The following DUSP3 variants were observed in gnomAD, a reference collection of about 807,000 sequenced individuals.
The protein encoded by DUSP3 is dual specificity phosphatase 3.
Under a neutral mutation model 15.5 loss-of-function variants are expected in DUSP3, and 7 were observed. The ratio of observed to expected loss-of-function variants is 0.45; its 90% CI spans 0.26 to 0.85. DUSP3 has a LOEUF of 0.85. Among genes scored for constraint, DUSP3 ranks in the 40% least tolerant of loss-of-function variants. The probability of loss-of-function intolerance (pLI) is 0.18; values close to 1 mark genes in which losing one functional copy is unlikely to be tolerated. For missense variants in DUSP3, 209 were observed against 251.7 expected (o/e 0.83, Z 1.15); for synonymous variants, 86 against 104.2 (o/e 0.83, Z 1.07).
intron 2 of DUSP3, among the ~76,000 whole-genome samples, chr17:43,771,389 C>T (rs1263808020): frequency 1.3e-5 from 2 of 152,076 alleles, no homozygotes; most frequent in Non-Finnish European, 2.9e-5. Context: ...ATATGGAGGA[C>T]CGACTGTATA....
rs1974362174 is a variant in DUSP3 at position 43,774,560 on chromosome 17, G to C, written c.352+152C>G. The C allele has an allele frequency of 5.9e-6, 5 of 847,836 alleles. No individual in the cohort carries two copies. In the Admixed American group the frequency reaches 1.3e-4, roughly 22 times the overall value. The allele number at this position is 847,836 out of a possible 1,614,324, so 52.5% of individuals were successfully genotyped here. On this transcript the variant is annotated intron_variant, in intron 2 of 2. Transcript: ENST00000226004. ...CACGGGGCCACTTGACAGCCAGCCA[G>C]GTGAGCAGAGAGAGACCTACAGCTC...
At chr17:43,772,005 C>T (rs1477249616) in intron 2 of DUSP3, among the ~76,000 whole-genome samples, 5 of 136,916 alleles carry the variant, frequency 3.7e-5, no homozygotes, top group East Asian at 2.1e-4. Flanking sequence ...AGCGAGACTC[C>T]GTCTCAAAAA....
chr17:43,777,659 T>C, intron 1 of DUSP3: 1 of 416,884 alleles, frequency 2.4e-6, no homozygotes, highest in Non-Finnish European at 4.9e-6. Flanking sequence ...CCATGAAGCT[T>C]AGGATTTTGG....
chr17:43,777,390 G>A (rs1974402652), intron 1 of DUSP3: 1 of 399,498 alleles, frequency 2.5e-6, no homozygotes, highest in Non-Finnish European at 5.1e-6. Flanking sequence ...ACTGGTGAAT[G>A]AATGATGGAA....
At chr17:43,776,709 C>T (rs1428773926) in intron 1 of DUSP3, among the ~76,000 whole-genome samples, 2 of 152,216 alleles carry the variant, frequency 1.3e-5, no homozygotes, top group African/African-American at 2.4e-5. Flanking sequence ...CTACACCAGA[C>T]GTGTACAACC....
rs1318094698 is a variant in DUSP3, at chr17:43,778,704, C to T, written c.125+96G>A. The stretch of plus-strand genomic sequence containing the variant: ...CCGGAGGGGCCATCGCGCCCGGGCT[C>T]CCCCAACCCAAGACTCGCGACACCC... On this transcript the variant is annotated intron_variant, in intron 1 of 2. Transcript: ENST00000226004. 120 of 1,362,284 alleles carry T rather than the reference C, an allele frequency of 8.8e-5. No individual in the cohort carries two copies. The South Asian group carries it at 1.8e-3, about 21-fold the overall frequency. The allele number at this position is 1,362,284 out of a possible 1,614,324, so 84.4% of individuals were successfully genotyped here.
rs1239490924 is a variant in DUSP3 at position 43,769,444 on chromosome 17, C to T, written c.*165G>A. Reference sequence around the variant, plus strand: ...CTTGGCAAGCTTCTTTATGTGCTCCCCAGGGTGGGGAAAGTGGCCCAGGAC... The same window carrying T: ...CTTGGCAAGCTTCTTTATGTGCTCCTCAGGGTGGGGAAAGTGGCCCAGGAC... On this transcript the variant is annotated 3_prime_UTR_variant, in exon 3 of 3. Transcript: ENST00000226004. 2.7e-6 allele frequency: 2 copies of T among 748,184 alleles called. No homozygotes were observed. The highest frequency in any genetic ancestry group is 1.8e-5 in the African/African-American group (1 of 55,890). 46.3% of individuals were successfully genotyped at this position (748,184 alleles called of 1,614,324 possible). A position where few individuals can be genotyped will look rare whatever the true frequency, so the allele number is the denominator to read the frequency against.
chr17:43,768,881 CCA>C lies in DUSP3; in HGVS notation c.*726_*727del, dbSNP rs1974275034. The stretch of plus-strand genomic sequence containing the variant: ...TGAGATAAGATCGAAGGGAAATATT[CCA>C]GAGCAGCAGATTCTGAACTCAAGGC... On this transcript the variant is annotated 3_prime_UTR_variant, in exon 3 of 3. Transcript: ENST00000226004. 1.3e-5 allele frequency: 2 copies of C among 152,042 alleles called. No homozygotes were observed. The highest frequency in any genetic ancestry group is 2.4e-5 in the African/African-American group (1 of 41,398). The allele number at this position is 152,042 out of a possible 1,614,324, so 9.4% of individuals were successfully genotyped here. A position where few individuals can be genotyped will look rare whatever the true frequency, so the allele number is the denominator to read the frequency against.
Position 43,774,698 on chromosome 17 carries a change from G to A in DUSP3, c.352+14C>T. ...GAGCTGCCTCCCATCTTTTCCTGGT[G>A]GGAGGTCCCTTACCATTCTTTTGAG... is the stretch of plus-strand genomic sequence containing the variant. On this transcript the variant is annotated intron_variant, in intron 2 of 2. Transcript: ENST00000226004. 3 of 1,613,960 alleles carry A rather than the reference G, an allele frequency of 1.9e-6. No homozygotes were observed. The highest frequency in any genetic ancestry group is 2.2e-5 in the South Asian group (2 of 91,066).
chr17:43,776,357 G>A (rs567889079), intron 1 of DUSP3, among the ~76,000 whole-genome samples: 4 of 152,362 alleles, frequency 2.6e-5, no homozygotes, highest in Admixed American at 2.6e-4. Context: ...ATGGGCACAG[G>A]CCCCGTGTGC....
chr17:43,778,905 A>G lies in DUSP3; in HGVS notation c.20T>C (p.Leu7Pro). MSGSFE[L>P]SVQDLNDLLS... is the part of the protein sequence containing the mutation. The stretch of plus-strand genomic sequence containing the variant: ...CAGGTCGTTGAGATCCTGCACCGAG[A>G]GCTCGAACGAGCCCGACATGGCGGC... The change falls in exon 1 of 3, where the codon CTC becomes CCC. Residue 7 changes from leucine (L) to proline (P), a missense_variant. Physicochemically the swap from Leu to Pro is moderately conservative, Grantham distance 98 (BLOSUM62 -3). Transcript: ENST00000226004. 2 of 1,477,540 alleles carry G rather than the reference A, an allele frequency of 1.4e-6. No individual in the cohort carries two copies. Among genetic ancestry groups the G allele is most frequent in the Non-Finnish European group, 1.8e-6 (2 of 1,111,716 alleles). The allele number at this position is 1,477,540 out of a possible 1,614,324, so 91.5% of individuals were successfully genotyped here.
intron 1 of DUSP3, 100 bp downstream of exon 1, chr17:43,778,700 G>T: frequency 2.2e-6 from 3 of 1,345,142 alleles, no homozygotes; most frequent in South Asian, 1.7e-5. Flanking sequence ...ATCGCGCCCG[G>T]GCTCCCCCAA....
At chr17:43,772,418 C>A (rs1177755838) in intron 2 of DUSP3, among the ~76,000 whole-genome samples, 2 of 152,132 alleles carry the variant, frequency 1.3e-5, no homozygotes, top group Non-Finnish European at 2.9e-5. Context: ...GCACACAGAG[C>A]CTACTGGGAA....
At chr17:43,778,766 G>T in intron 1 of DUSP3, 34 bp downstream of exon 1, 1 of 1,499,674 alleles carries the variant, frequency 6.7e-7, no homozygotes. Flanking sequence ...GTCCCGAGAG[G>T]GACGGCGGGG....
At position 43,769,448 on chromosome 17, in the gene DUSP3, G is replaced by T; in HGVS notation, c.*161C>A. 2.6e-6 allele frequency: 2 copies of T among 756,044 alleles called. No individual in the cohort carries two copies. The highest frequency in any genetic ancestry group is 2.0e-6 in the Non-Finnish European group (1 of 488,282). 46.8% of individuals were successfully genotyped at this position (756,044 alleles called of 1,614,324 possible). ...GCAAGCTTCTTTATGTGCTCCCCAG[G>T]GTGGGGAAAGTGGCCCAGGACTGTG... On this transcript the variant is annotated 3_prime_UTR_variant, in exon 3 of 3. Transcript: ENST00000226004.
rs921368544 is a variant in DUSP3 at position 43,768,133 on chromosome 17, T to G, written c.*1476A>C. On this transcript the variant is annotated 3_prime_UTR_variant, in exon 3 of 3. Coordinates refer to ENST00000226004, the MANE Select transcript of DUSP3 (RefSeq NM_004090.4). ...ACACCCACCAGAACAATGCCCTATATATATTTGGTGCTCAAAAAGTGTTTA... is the reference window on the plus strand; with the variant it reads ...ACACCCACCAGAACAATGCCCTATAGATATTTGGTGCTCAAAAAGTGTTTA... The G allele has an allele frequency of 6.6e-6, 1 of 152,190 alleles. No homozygotes were observed. Among genetic ancestry groups the G allele is most frequent in the African/African-American group, 2.4e-5 (1 of 41,446 alleles). 9.4% of individuals were successfully genotyped at this position (152,190 alleles called of 1,614,324 possible). A position where few individuals can be genotyped will look rare whatever the true frequency, so the allele number is the denominator to read the frequency against.
At chr17:43,773,699 G>A (rs1437971105) in intron 2 of DUSP3, among the ~76,000 whole-genome samples, 3 of 152,150 alleles carry the variant, frequency 2.0e-5, no homozygotes, top group Non-Finnish European at 2.9e-5. Context: ...ATGGTGGCAC[G>A]TGCTTGTAGT....
chr17:43,772,920 T>C (rs1974336519), intron 2 of DUSP3, among the ~76,000 whole-genome samples: 1 of 152,132 alleles, frequency 6.6e-6, no homozygotes, highest in East Asian at 1.9e-4. Context: ...TTCCTAGTTG[T>C]TTGGAAAGAG....
intron 1 of DUSP3, among the ~76,000 whole-genome samples, chr17:43,775,744 C>T (rs575121989): frequency 3.9e-5 from 6 of 152,314 alleles, no homozygotes; most frequent in Non-Finnish European, 8.8e-5. Flanking sequence ...CCACTGGCTA[C>T]GTTTCCAAAG....
Sources: allele counts gnomAD v4.1 joint callset (sites outside exome capture counted in the v4.1 genomes callset), GRCh38; gene constraint gnomAD v4.1.1; transcripts MANE v1.5; gene names NCBI Gene and HGNC (gene_info 2026-07-23, HGNC 2026-07-21).